Variants in RBM46 observed in about 807,000 individuals in gnomAD.
RBM46 encodes the protein probable RNA-binding protein 46.
In RBM46, 12 loss-of-function variants were observed where a neutral mutation model predicts 43.3. The observed-to-expected ratio is 0.28, with a 90% CI of 0.18 to 0.45. The LOEUF is 0.45. Among genes scored for constraint, RBM46 ranks in the 20% least tolerant of loss-of-function variants. The pLI, the probability that RBM46 is intolerant of heterozygous loss-of-function variation, is 1.00. For synonymous variants in RBM46, 205 were observed against 207.6 expected, an observed-to-expected ratio of 0.99 and a Z score of 0.11; for missense variants, 412 against 639.1, an observed-to-expected ratio of 0.64 and a Z score of 3.83.
intron 1 of RBM46, among the ~76,000 whole-genome samples, chr4:154,785,810 C>G (rs532539547): frequency 1.3e-5 from 2 of 152,068 alleles, no homozygotes; most frequent in African/African-American, 4.8e-5. Context: ...GGCCCTTGGT[C>G]TTTTCGATTA....
intron 4 of RBM46, among the ~76,000 whole-genome samples, chr4:154,811,669 CTGTGTGTG>C (rs70947182): frequency 1.5e-5 from 2 of 130,760 alleles, no homozygotes; most frequent in Admixed American, 7.6e-5. Context: ...GTGTGTGTGT[CTGTGTGTG>C]TGTGTGTGTG....
intron 4 of RBM46, among the ~76,000 whole-genome samples, chr4:154,813,770 G>A (rs156580): frequency 0.032 from 4,910 of 152,082 alleles, 281 homozygotes; most frequent in African/African-American, 0.11. Context: ...AAAATAGGAA[G>A]AAAGCTTGAA....
intron 4 of RBM46, among the ~76,000 whole-genome samples, chr4:154,819,965 CT>C (rs1287722614): frequency 6.6e-6 from 1 of 151,980 alleles, no homozygotes; most frequent in Non-Finnish European, 1.5e-5. Context: ...ATAACTACAC[CT>C]TATACAACAT....
At position 154,827,928 on chromosome 4, in the gene RBM46, C is replaced by T; in HGVS notation, c.1463C>T (p.Ser488Phe). ...TCCCCTGTTAGTGCTACCCTCTCTT[C>T]TGGGACTCCCAGCGTGCTTCCTTAT... is the stretch of plus-strand genomic sequence containing the variant. ...SLSPVSATLS[S>F]GTPSVLPYTS... Residue 488 changes from serine (S) to phenylalanine (F), a missense_variant, in exon 5 of 5, where the codon TCT (serine) becomes TTT (phenylalanine). Coordinates refer to ENST00000281722, the MANE Select transcript of RBM46 (RefSeq NM_144979.5). 6.2e-7 allele frequency: 1 copy of T among 1,613,984 alleles called. No individual in the cohort carries two copies. The highest frequency in any genetic ancestry group is 1.7e-5 in the Admixed American group (1 of 60,008).
intron 1 of RBM46, among the ~76,000 whole-genome samples, chr4:154,790,080 G>T (rs1439840085): frequency 6.6e-6 from 1 of 151,908 alleles, no homozygotes; most frequent in Non-Finnish European, 1.5e-5. Flanking sequence ...TATTAGTCTT[G>T]CTAGTGGTCT....
At chr4:154,827,438 G>T (rs1736017142) in intron 4 of RBM46, 1 of 995,092 alleles carries the variant, frequency 1.0e-6, no homozygotes, top group African/African-American at 1.7e-5. Context: ...GAATGTTTCT[G>T]CTGGTTTGAT....
At position 154,797,804 on chromosome 4, in the gene RBM46, C is replaced by T. The variant is rs377399042; in HGVS notation, c.152-7C>T. 1,970 of 1,485,982 alleles carry T rather than the reference C, an allele frequency of 1.3e-3. 41 individuals carry two copies. In the South Asian group the frequency reaches 0.025, roughly 19 times the overall value. 92.0% of individuals were successfully genotyped at this position (1,485,982 alleles called of 1,614,324 possible). The stretch of plus-strand genomic sequence containing the variant: ...AATTTATGTGTCTTTTCATTTTTGT[C>T]GTTCAGGTTGGGAAGGTCCACCTCC... On this transcript the variant is annotated splice_polypyrimidine_tract_variant and splice_region_variant and intron_variant, in intron 2 of 4. Transcript: ENST00000281722.
At chr4:154,818,342 AG>A (rs1293521580) in intron 4 of RBM46, among the ~76,000 whole-genome samples, 2 of 152,064 alleles carry the variant, frequency 1.3e-5, no homozygotes, top group Admixed American at 6.6e-5. Context: ...GCCATTTGAA[AG>A]GTTATTTTTG....
At chr4:154,803,924 G>A (rs890947246) in intron 4 of RBM46, among the ~76,000 whole-genome samples, 1 of 152,010 alleles carries the variant, frequency 6.6e-6, no homozygotes, top group African/African-American at 2.4e-5. Context: ...TCTCATGAAT[G>A]GTTTAGCACC....
chr4:154,787,572 C>T lies in RBM46; in HGVS notation c.-12+6136C>T, dbSNP rs180987833. ...TGTATATGTGCCACATTTTCTTAAT[C>T]CAGTCTATCATTGATGGACATTGGG... On this transcript the variant is annotated intron_variant, in intron 1 of 4. Transcript: ENST00000281722. Among the ~76,000 whole-genome samples, 17 of 152,186 alleles carry T rather than the reference C, an allele frequency of 1.1e-4. 1 individual carries two copies. In the East Asian group the frequency reaches 3.1e-3, roughly 28 times the overall value.
intron 1 of RBM46, among the ~76,000 whole-genome samples, chr4:154,791,018 A>G (rs1011542044): frequency 6.6e-6 from 1 of 152,206 alleles, no homozygotes; most frequent in African/African-American, 2.4e-5. Context: ...AATTTTGGCC[A>G]ACCACACTTT....
intron 4 of RBM46, among the ~76,000 whole-genome samples, chr4:154,820,749 C>T (rs529082012): frequency 2.5e-4 from 38 of 151,758 alleles, no homozygotes; most frequent in African/African-American, 8.2e-4. Context: ...TCTGAGAATA[C>T]GACTCTCTTG....
intron 1 of RBM46, among the ~76,000 whole-genome samples, chr4:154,794,853 C>CT (rs1333809250): frequency 6.6e-6 from 1 of 151,712 alleles, no homozygotes. Flanking sequence ...ATTCCTATTC[C>CT]TTTTTTCCCT....
intron 1 of RBM46, among the ~76,000 whole-genome samples, chr4:154,790,691 A>C (rs906106746): frequency 1.3e-5 from 2 of 152,204 alleles, no homozygotes; most frequent in African/African-American, 4.8e-5. Flanking sequence ...AGACTAGGGA[A>C]GTTTTAAGAT....
chr4:154,798,918 T>C lies in RBM46; in HGVS notation c.756T>C (p.Ile252=). ...TGATCTCAACTACAGAGGAAACAAT[T>C]AAAGCAGAATTCAATAAATTTAAGC... The part of the protein sequence containing the change: ...NLMISTTEET[I]KAEFNKFKPG... Residue 252 remains isoleucine (I), a synonymous_variant, in exon 4 of 5, where the codon ATT becomes ATC. Coordinates refer to ENST00000281722, the MANE Select transcript of RBM46 (RefSeq NM_144979.5). 6.2e-7 allele frequency: 1 copy of C among 1,613,536 alleles called. No individual in the cohort carries two copies. Among genetic ancestry groups the C allele is most frequent in the Non-Finnish European group, 8.5e-7 (1 of 1,179,784 alleles).
rs146619160 is a variant in RBM46 at position 154,827,884 on chromosome 4, C to T, written c.1419C>T (p.Arg473=). The change falls in exon 5 of 5, where the codon CGC becomes CGT. Residue 473 remains arginine, a synonymous_variant. Transcript: ENST00000281722. ...TATTTACAGACTACAATTTCCATCGCAGCTCAATAAATAGTCTTTCCCCTG... is the reference window on the plus strand; with the variant it reads ...TATTTACAGACTACAATTTCCATCGTAGCTCAATAAATAGTCTTTCCCCTG... The part of the protein sequence containing the change: ...TLLHLDYNFH[R]SSINSLSPVS... 15 of 1,613,698 alleles carry T rather than the reference C, an allele frequency of 9.3e-6. No homozygotes were observed. Among genetic ancestry groups the T allele is most frequent in the Non-Finnish European group, 1.3e-5 (15 of 1,179,774 alleles).
At chr4:154,789,168 T>G (rs1045712182) in intron 1 of RBM46, among the ~76,000 whole-genome samples, 1 of 152,174 alleles carries the variant, frequency 6.6e-6, no homozygotes, top group African/African-American at 2.4e-5. Context: ...ACCCTTTATT[T>G]ATTTCTCCTG....
chr4:154,798,576 A>G (rs989437801), intron 3 of RBM46, among the ~76,000 whole-genome samples: 10 of 152,138 alleles, frequency 6.6e-5, no homozygotes, highest in Non-Finnish European at 1.2e-4. Flanking sequence ...TTTGAAGTGT[A>G]TTTGTTCTAT....
At chr4:154,799,591 G>C (rs747923497) in intron 4 of RBM46, 27 bp downstream of exon 4, 2 of 1,411,206 alleles carry the variant, frequency 1.4e-6, no homozygotes, top group Admixed American at 5.5e-5. Flanking sequence ...TTTAAATGAT[G>C]TATAATATGA....
Sources: gnomAD v4.1 joint callset for allele counts (sites outside exome capture counted in the v4.1 genomes callset) on GRCh38, gnomAD v4.1.1 for gene constraint, MANE v1.5 for transcripts, NCBI Gene and HGNC (gene_info 2026-07-23, HGNC 2026-07-21) for gene names.